SLC8A1: variants seen among roughly 807,000 people sequenced by gnomAD.
The protein encoded by SLC8A1 is sodium/calcium exchanger 1.
Under a neutral mutation model 68.3 loss-of-function variants are expected in SLC8A1, and 18 were observed. The observed-to-expected ratio is 0.26, with a 90% CI of 0.18 to 0.39. The LOEUF is 0.39. SLC8A1 is among the 10% of genes least tolerant of loss of function. The pLI is 1.00. For missense variants in SLC8A1, 985 were observed against 1,156.7 expected (o/e 0.85, Z 2.15); for synonymous variants, 475 against 415.5 (o/e 1.14, Z -1.74).
At position 40,490,545 on chromosome 2, in the gene SLC8A1, C is replaced by T. The variant is rs115266595; in HGVS notation, c.-25+21804G>A. On this transcript the variant is annotated intron_variant, in intron 1 of 7. Transcript: ENST00000402441. ...AACAAAAGTGAGTGTCCTTTAGGTA[C>T]TAAATGAATCTTATATACATTTAAA... Among the ~76,000 whole-genome samples the T allele has an allele frequency of 3.7e-3, 569 of 152,172 alleles. 3 individuals are homozygous for T. Among genetic ancestry groups the T allele is most frequent in the African/African-American group, 0.013 (545 of 41,536 alleles).
chr2:40,104,231 C>G (rs1245002087), exon 8 of SLC8A1: 2 of 152,162 alleles, frequency 1.3e-5, no homozygotes, highest in Non-Finnish European at 2.9e-5. Context: ...GAAATAGAAC[C>G]ACATGCCTCA....
At chr2:40,402,276 T>A (rs2149661995) in intron 2 of SLC8A1, among the ~76,000 whole-genome samples, 1 of 152,250 alleles carries the variant, frequency 6.6e-6, no homozygotes, top group South Asian at 2.1e-4. Flanking sequence ...CATGGCAACA[T>A]CAGGAAGTTA....
At chr2:40,214,124 C>G (rs2057075282) in intron 2 of SLC8A1, among the ~76,000 whole-genome samples, 1 of 152,196 alleles carries the variant, frequency 6.6e-6, no homozygotes. Flanking sequence ...TGTTTCTCCC[C>G]ATACATTTTC....
intron 1 of SLC8A1, among the ~76,000 whole-genome samples, chr2:40,472,945 G>A (rs568705614): frequency 7.6e-4 from 116 of 151,868 alleles, no homozygotes; most frequent in African/African-American, 2.7e-3. Flanking sequence ...TTTAAGGTGA[G>A]TTACAATACA....
At chr2:40,241,740 A>C (rs2061251082) in intron 2 of SLC8A1, among the ~76,000 whole-genome samples, 1 of 152,140 alleles carries the variant, frequency 6.6e-6, no homozygotes, top group Admixed American at 6.5e-5. Context: ...CTACTTTAGA[A>C]AAGAACTCCA....
At chr2:40,237,249 A>G (rs1558891494) in intron 2 of SLC8A1, among the ~76,000 whole-genome samples, 1 of 152,090 alleles carries the variant, frequency 6.6e-6, no homozygotes, top group Non-Finnish European at 1.5e-5. Flanking sequence ...CACCAATCAG[A>G]CGTAGATTTG....
chr2:40,253,305 TACACATATATACAC>T (rs1182207959), intron 2 of SLC8A1, among the ~76,000 whole-genome samples: 2 of 151,108 alleles, frequency 1.3e-5, no homozygotes, highest in Non-Finnish European at 3.0e-5. Context: ...TACACATATA[TACACATATATACAC>T]ACACATATAT....
At chr2:40,476,393 G>A (rs1016339857) in intron 1 of SLC8A1, among the ~76,000 whole-genome samples, 1 of 152,128 alleles carries the variant, frequency 6.6e-6, no homozygotes, top group Non-Finnish European at 1.5e-5. Context: ...TAAAGTCTTA[G>A]CCTTCAGCTG....
At chr2:40,368,653 G>C (rs567924962) in intron 2 of SLC8A1, among the ~76,000 whole-genome samples, 2 of 152,154 alleles carry the variant, frequency 1.3e-5, no homozygotes, top group South Asian at 2.1e-4. Context: ...AGGTAAACTT[G>C]TGTCATGGGG....
intron 2 of SLC8A1, among the ~76,000 whole-genome samples, chr2:40,398,080 G>A (rs1377251987): frequency 1.3e-5 from 2 of 152,190 alleles, no homozygotes; most frequent in African/African-American, 2.4e-5. Context: ...TGCAGTTATT[G>A]AAAGAAAGTA....
rs868238857 is a variant in SLC8A1 at position 40,331,213 on chromosome 2, G to C, written c.1808+97260C>G. ...ATATAGTGTGCTAAGCTTAGTGTCT[G>C]GCACATAATACATTATCAATAAATG... On this transcript the variant is annotated intron_variant, in intron 2 of 7. Transcript: ENST00000406785. Among the ~76,000 whole-genome samples the C allele has an allele frequency of 6.6e-5, 10 of 152,180 alleles. No homozygotes were observed. In the South Asian group the frequency reaches 1.2e-3, roughly 19 times the overall value.
chr2:40,157,823 T>C (rs2044852753), intron 6 of SLC8A1, among the ~76,000 whole-genome samples: 1 of 152,226 alleles, frequency 6.6e-6, no homozygotes, highest in South Asian at 2.1e-4. Context: ...ACTGCCAGGA[T>C]GTAACTGCTT....
At chr2:40,413,913 G>T (rs1373480229) in intron 2 of SLC8A1, among the ~76,000 whole-genome samples, 2 of 152,160 alleles carry the variant, frequency 1.3e-5, no homozygotes, top group African/African-American at 4.8e-5. Context: ...CACTAGGTGT[G>T]CATGTAGTAA....
At chr2:40,383,908 C>A (rs1419297759) in intron 2 of SLC8A1, among the ~76,000 whole-genome samples, 1 of 152,100 alleles carries the variant, frequency 6.6e-6, no homozygotes, top group Admixed American at 6.5e-5. Context: ...AACCTTCAGT[C>A]ATTCACAGAT....
intron 2 of SLC8A1, among the ~76,000 whole-genome samples, chr2:40,300,934 T>A (rs2071339563): frequency 6.6e-6 from 1 of 152,158 alleles, no homozygotes; most frequent in African/African-American, 2.4e-5. Flanking sequence ...TACTTGATAT[T>A]TAGTAATAAT....
Position 40,333,282 on chromosome 2 carries a change from C to A in SLC8A1, c.1808+95191G>T, listed in dbSNP as rs559415468. On this transcript the variant is annotated intron_variant, in intron 2 of 7. Transcript: ENST00000406785. ...TGAAACTTCGTCTCTACTAAAAATA[C>A]GAAAAATTTGCCAGGTGTGGTGGCA... 1.3e-3 allele frequency among the ~76,000 whole-genome samples: 202 copies of A among 151,806 alleles called. 1 individual carries two copies. The highest frequency in any genetic ancestry group is 4.7e-3 in the African/African-American group (195 of 41,456).
chr2:40,158,402 T>C (rs1185661228), intron 6 of SLC8A1, among the ~76,000 whole-genome samples: 2 of 152,220 alleles, frequency 1.3e-5, no homozygotes, highest in Non-Finnish European at 2.9e-5. Context: ...TGATATGTTG[T>C]TTCTCAAAAT....
At chr2:40,187,515 C>G (rs1365801606) in intron 2 of SLC8A1, among the ~76,000 whole-genome samples, 1 of 152,178 alleles carries the variant, frequency 6.6e-6, no homozygotes, top group Non-Finnish European at 1.5e-5. Flanking sequence ...TTAGAGAGTT[C>G]TGGAGTTGGG....
intron 6 of SLC8A1, among the ~76,000 whole-genome samples, chr2:40,160,069 GCTTT>G (rs1421623748): frequency 6.6e-6 from 1 of 152,166 alleles, no homozygotes; most frequent in East Asian, 1.9e-4. Flanking sequence ...GGACGGGGTT[GCTTT>G]CATGAATCTT....
Sources: allele counts gnomAD v4.1 joint callset (sites outside exome capture counted in the v4.1 genomes callset), GRCh38; gene constraint gnomAD v4.1.1; transcripts MANE v1.5; gene names NCBI Gene and HGNC (gene_info 2026-07-23, HGNC 2026-07-21).